The following MYOM1 variants were observed in gnomAD, a reference collection of about 807,000 sequenced individuals.
MYOM1 encodes myomesin-1.
MYOM1 carries 164 observed loss-of-function variants against 205.3 expected under a neutral mutation model. The observed-to-expected ratio is 0.80, with a 90% CI of 0.70 to 0.91. MYOM1 has a LOEUF of 0.91. MYOM1 is among the 40% of genes least tolerant of loss of function. The pLI is 0.00. For synonymous variants in MYOM1, 772 were observed against 789.4 expected (o/e 0.98, Z 0.37); for missense variants, 2,011 against 2,127.3 (o/e 0.95, Z 1.08).
chr18:3,172,770 C>G (rs1489625966), intron 8 of MYOM1, among the ~76,000 whole-genome samples: 1 of 152,184 alleles, frequency 6.6e-6, no homozygotes, highest in Admixed American at 6.5e-5. Context: ...CTCCGCCTCG[C>G]AAAGTGTTGG....
the MYOM1 span, among the ~76,000 whole-genome samples, chr18:3,242,163 T>C: frequency 6.6e-6 from 1 of 152,146 alleles, no homozygotes; most frequent in African/African-American, 2.4e-5. Context: ...TGATTGGTTT[T>C]GAAAAGTGAG....
intron 19 of MYOM1, among the ~76,000 whole-genome samples, chr18:3,120,990 A>G (rs1475550955): frequency 1.3e-5 from 2 of 152,244 alleles, no homozygotes; most frequent in African/African-American, 4.8e-5. Flanking sequence ...TAAGAAAAAA[A>G]TAACAGACAT....
chr18:3,099,942 A>G (rs555137089), intron 25 of MYOM1, among the ~76,000 whole-genome samples: 1 of 152,338 alleles, frequency 6.6e-6, no homozygotes, highest in African/African-American at 2.4e-5. Flanking sequence ...AGCATGGGAT[A>G]TATTTTCTAT....
intron 1 of MYOM1, 23 bp from the exon 2 acceptor site, chr18:3,215,274 G>T: frequency 1.3e-6 from 2 of 1,517,588 alleles, no homozygotes; most frequent in Non-Finnish European, 1.8e-6. Context: ...AACACTTTTT[G>T]AGTGACTTAT....
At chr18:3,129,124 G>A in intron 18 of MYOM1, 108 bp downstream of exon 18, 1 of 1,346,010 alleles carries the variant, frequency 7.4e-7, no homozygotes, top group Non-Finnish European at 1.0e-6. Flanking sequence ...CATACAATAA[G>A]AATGGACATT....
At chr18:3,247,025 G>A in the MYOM1 span, 1 of 152,284 alleles carries the variant, frequency 6.6e-6, no homozygotes, top group Non-Finnish European at 1.5e-5. Context: ...CGTAGCAAGA[G>A]GTGCGGGGAA....
At chr18:3,125,863 G>T (rs2079772740) in intron 19 of MYOM1, among the ~76,000 whole-genome samples, 1 of 152,140 alleles carries the variant, frequency 6.6e-6, no homozygotes, top group African/African-American at 2.4e-5. Flanking sequence ...ACACATGTGA[G>T]GCCACCCTTT....
At position 3,215,024 on chromosome 18, in the gene MYOM1, G is replaced by A. The variant is rs773311187; in HGVS notation, c.200C>T (p.Ser67Phe). The A allele has an allele frequency of 3.1e-6, 5 of 1,612,510 alleles. No homozygotes were observed. The highest frequency in any genetic ancestry group is 8.5e-7 in the Non-Finnish European group (1 of 1,179,292). Residue 67 changes from serine to phenylalanine, a missense_variant, in exon 2 of 38, where the codon TCC (serine) becomes TTC (phenylalanine). By Grantham distance (155) the Ser-to-Phe change is radical (BLOSUM62 -2). Transcript: ENST00000356443. ...ESEAFRRASA[S>F]SSQQQASQHA... ...CTGCGAGGCCTGCTGCTGGGAGGAG[G>A]AGGCGGACGCCCGACGGAAGGCCTC... is the stretch of plus-strand genomic sequence containing the variant.
intron 5 of MYOM1, among the ~76,000 whole-genome samples, chr18:3,180,761 G>A (rs1480108163): frequency 6.6e-6 from 1 of 151,942 alleles, no homozygotes; most frequent in Non-Finnish European, 1.5e-5. Context: ...TTTCCTTTAT[G>A]TGTGTAAAAC....
At chr18:3,224,388 G>T (rs1282694825), upstream of MYOM1, among the ~76,000 whole-genome samples, 1 of 152,176 alleles carries the variant, frequency 6.6e-6, no homozygotes, top group Non-Finnish European at 1.5e-5. Flanking sequence ...CAATGCTGTT[G>T]ACATCTTGCA....
intron 12 of MYOM1, among the ~76,000 whole-genome samples, chr18:3,149,644 C>T (rs1248001858): frequency 1.3e-5 from 2 of 151,996 alleles, no homozygotes; most frequent in Non-Finnish European, 2.9e-5. Context: ...GCCGATCCTG[C>T]GGTAAAGCTC....
At chr18:3,070,736 T>TTG (rs57044157) in intron 37 of MYOM1, among the ~76,000 whole-genome samples, 9,595 of 146,046 alleles carry the variant, frequency 0.066, 345 homozygotes, top group East Asian at 0.17. Context: ...TGCATGTTCT[T>TTG]TGTGTGTGTG....
At chr18:3,155,977 G>A (rs1318436492) in intron 10 of MYOM1, among the ~76,000 whole-genome samples, 2 of 152,208 alleles carry the variant, frequency 1.3e-5, no homozygotes, top group African/African-American at 4.8e-5. Flanking sequence ...TCTGAGTTTA[G>A]TAAAAGTCCG....
chr18:3,162,984 CCACTG>C (rs71888466), intron 10 of MYOM1, among the ~76,000 whole-genome samples: 45,368 of 148,244 alleles, frequency 0.31, 7,136 homozygotes, highest in East Asian at 0.36. Context: ...CGAGATCAAG[CCACTG>C]CACTGCACTC....
chr18:3,247,344 G>A, the MYOM1 span: 2 of 152,310 alleles, frequency 1.3e-5, no homozygotes, highest in South Asian at 4.1e-4. Context: ...CGGAGACCCA[G>A]ACCCCGCGCG....
intron 37 of MYOM1, among the ~76,000 whole-genome samples, chr18:3,071,081 C>G (rs771968078): frequency 6.6e-6 from 1 of 151,892 alleles, no homozygotes; most frequent in Non-Finnish European, 1.5e-5. Context: ...CTCTCAGGAG[C>G]CCCTGGAGTT....
At chr18:3,072,760 C>T (rs2078976037) in intron 36 of MYOM1, among the ~76,000 whole-genome samples, 2 of 151,994 alleles carry the variant, frequency 1.3e-5, no homozygotes, top group South Asian at 4.2e-4. Context: ...ATAGCTTTGC[C>T]ATATCAAGAC....
intron 33 of MYOM1, among the ~76,000 whole-genome samples, chr18:3,080,211 A>G (rs1257265964): frequency 6.6e-6 from 1 of 152,218 alleles, no homozygotes; most frequent in Non-Finnish European, 1.5e-5. Flanking sequence ...ATGCATAGAA[A>G]AAAGGCTAGC....
the MYOM1 span, among the ~76,000 whole-genome samples, chr18:3,227,397 T>A: frequency 9.2e-5 from 14 of 152,108 alleles, no homozygotes; most frequent in Non-Finnish European, 1.8e-4. Context: ...ATTCCACTTA[T>A]ATGAGGTACC....
Sources: allele counts gnomAD v4.1 joint callset (sites outside exome capture counted in the v4.1 genomes callset), GRCh38; gene constraint gnomAD v4.1.1; transcripts MANE v1.5; gene names NCBI Gene and HGNC (gene_info 2026-07-23, HGNC 2026-07-21).